Variants in CADPS2 observed in about 807,000 individuals in gnomAD.
The protein encoded by CADPS2 is calcium dependent secretion activator 2.
A neutral mutation model predicts 172.5 loss-of-function variants in CADPS2; 93 were observed. The observed-to-expected ratio is 0.54, with a 90% CI of 0.46 to 0.64. The LOEUF (loss-of-function observed/expected upper bound fraction) is 0.64. Ranked by LOEUF, CADPS2 falls within the 30% of genes least tolerant of loss-of-function variation. CADPS2 has a pLI of 0.00. For missense variants in CADPS2, 1,420 were observed against 1,565.9 expected (o/e 0.91, Z 1.57); for synonymous variants, 546 against 555.2 (o/e 0.98, Z 0.23).
At chr7:122,404,411 G>C (rs1308032793) in intron 20 of CADPS2, among the ~76,000 whole-genome samples, 1 of 152,096 alleles carries the variant, frequency 6.6e-6, no homozygotes, top group Non-Finnish European at 1.5e-5. Flanking sequence ...ATTTGGGTTG[G>C]TTCCAAGTCT....
intron 1 of CADPS2, among the ~76,000 whole-genome samples, chr7:122,813,216 GAAGT>G (rs1800482022): frequency 2.0e-5 from 3 of 152,016 alleles, no homozygotes; most frequent in South Asian, 4.1e-4. Flanking sequence ...CTCCCTGCAA[GAAGT>G]AAGTCAATAC....
At chr7:122,844,732 C>T (rs1811504082) in intron 1 of CADPS2, among the ~76,000 whole-genome samples, 2 of 152,074 alleles carry the variant, frequency 1.3e-5, no homozygotes, top group Admixed American at 1.3e-4. Context: ...AAAGTCACAT[C>T]AGATAAAGGA....
At chr7:122,879,307 G>A (rs1822221378) in intron 1 of CADPS2, among the ~76,000 whole-genome samples, 2 of 149,568 alleles carry the variant, frequency 1.3e-5, no homozygotes, top group East Asian at 4.0e-4. Context: ...GGAGGCCAAG[G>A]TGGGCAGATC....
In CADPS2 at chr7:122,320,243, C is replaced by A. The variant is rs2032112191; in HGVS notation, c.3813G>T (p.Glu1271Asp). 1 of 1,613,418 alleles carries A rather than the reference C, an allele frequency of 6.2e-7. No homozygotes were observed. The highest frequency in any genetic ancestry group is 1.7e-5 in the Admixed American group (1 of 59,948). Residue 1271 changes from glutamate to aspartate, a missense_variant, in exon 30 of 30, where the codon GAG (glutamate) becomes GAT (aspartate). Coordinates refer to ENST00000449022, the MANE Select transcript of CADPS2 (RefSeq NM_017954.11). ...DTVHRRLTVEEATASVSEGGG... is the reference protein window; with the variant it reads ...DTVHRRLTVEDATASVSEGGG... Reference sequence around the variant, plus strand: ...CTCCTTCTGAAACAGAGGCTGTGGCCTCCTCTACTGTTAAACGTCTGTGCA... The same window carrying A: ...CTCCTTCTGAAACAGAGGCTGTGGCATCCTCTACTGTTAAACGTCTGTGCA...
chr7:122,680,023 C>A (rs981238038), intron 2 of CADPS2, among the ~76,000 whole-genome samples: 1 of 152,216 alleles, frequency 6.6e-6, no homozygotes, highest in Non-Finnish European at 1.5e-5. Flanking sequence ...ACAAAGACAG[C>A]CAGCCTATGA....
intron 7 of CADPS2, among the ~76,000 whole-genome samples, chr7:122,573,417 G>A (rs1342513694): frequency 1.3e-5 from 2 of 152,062 alleles, no homozygotes. Context: ...GCATACAACA[G>A]TAGTCCCAGC....
Position 122,637,312 on chromosome 7 carries a change from G to A in CADPS2, c.787-7984C>T, listed in dbSNP as rs527359516. Among the ~76,000 whole-genome samples, 3 of 146,028 alleles carry A rather than the reference G, an allele frequency of 2.1e-5. No individual in the cohort carries two copies. In the East Asian group the frequency reaches 6.3e-4, roughly 31 times the overall value. The stretch of plus-strand genomic sequence containing the variant: ...TGACTCAAGTGATCCTCTTACCTCA[G>A]CCTCCCAAGTAGTTGGGACTACAAA... On this transcript the variant is annotated intron_variant, in intron 3 of 29. Coordinates refer to ENST00000449022, the MANE Select transcript of CADPS2 (RefSeq NM_017954.11).
At chr7:122,427,932 T>G (rs1204358682) in intron 17 of CADPS2, among the ~76,000 whole-genome samples, 1 of 152,220 alleles carries the variant, frequency 6.6e-6, no homozygotes, top group African/African-American at 2.4e-5. Flanking sequence ...TCTAGATTAC[T>G]TTCTATGACT....
chr7:122,863,290 G>A (rs1377351187), intron 1 of CADPS2, among the ~76,000 whole-genome samples: 1 of 152,118 alleles, frequency 6.6e-6, no homozygotes, highest in Non-Finnish European at 1.5e-5. Flanking sequence ...TATTTTATAA[G>A]TAAATAATTA....
chr7:122,803,599 G>A (rs1281568182), intron 1 of CADPS2, among the ~76,000 whole-genome samples: 1 of 152,126 alleles, frequency 6.6e-6, no homozygotes, highest in East Asian at 1.9e-4. Context: ...GGCAGCTCAT[G>A]CCTCTGATCA....
At chr7:122,873,449 C>A (rs946983091) in intron 1 of CADPS2, among the ~76,000 whole-genome samples, 4 of 152,088 alleles carry the variant, frequency 2.6e-5, no homozygotes, top group African/African-American at 9.7e-5. Flanking sequence ...TGTTAGTTTG[C>A]TGAGGATGAT....
At chr7:122,800,760 A>C (rs1287470784) in intron 1 of CADPS2, among the ~76,000 whole-genome samples, 1 of 152,184 alleles carries the variant, frequency 6.6e-6, no homozygotes, top group Non-Finnish European at 1.5e-5. Flanking sequence ...AGGCCAAGGC[A>C]GGCAGATCAC....
At chr7:122,770,466 G>A (rs2093675603) in intron 1 of CADPS2, among the ~76,000 whole-genome samples, 1 of 152,112 alleles carries the variant, frequency 6.6e-6, no homozygotes, top group South Asian at 2.1e-4. Context: ...CCTCCTTAGA[G>A]GGAAATTTAC....
intron 8 of CADPS2, among the ~76,000 whole-genome samples, chr7:122,525,844 A>G (rs967564054): frequency 2.6e-5 from 4 of 152,172 alleles, no homozygotes; most frequent in Non-Finnish European, 5.9e-5. Context: ...TAGGCTATAA[A>G]CCTGTACAGC....
intron 13 of CADPS2, among the ~76,000 whole-genome samples, chr7:122,472,843 T>C (rs1318200212): frequency 6.6e-6 from 1 of 152,178 alleles, no homozygotes; most frequent in Non-Finnish European, 1.5e-5. Flanking sequence ...ACTGTTAGTG[T>C]CAGCGTGGCA....
intron 7 of CADPS2, among the ~76,000 whole-genome samples, chr7:122,571,892 GTAGAT>G (rs1221129725): frequency 2.0e-5 from 3 of 152,192 alleles, no homozygotes; most frequent in South Asian, 4.2e-4. Flanking sequence ...CAGATGAGGA[GTAGAT>G]TAAAGATGTT....
At chr7:122,642,279 CA>C (rs11370822) in intron 3 of CADPS2, among the ~76,000 whole-genome samples, 233 of 124,816 alleles carry the variant, frequency 1.9e-3, no homozygotes, top group African/African-American at 2.8e-3. Flanking sequence ...GACTCCATCT[CA>C]AAAAAAAAAA....
chr7:122,662,589 T>C (rs2080719940), intron 3 of CADPS2, among the ~76,000 whole-genome samples: 1 of 152,128 alleles, frequency 6.6e-6, no homozygotes, highest in African/African-American at 2.4e-5. Flanking sequence ...TTGCCCACGA[T>C]GGTCTCAATC....
chr7:122,478,108 T>C (rs900782408), intron 12 of CADPS2, among the ~76,000 whole-genome samples: 6 of 152,202 alleles, frequency 3.9e-5, no homozygotes, highest in African/African-American at 1.2e-4. Flanking sequence ...CCATCATCTA[T>C]ATCAAATGCA....
Sources: gnomAD v4.1 joint callset for allele counts (sites outside exome capture counted in the v4.1 genomes callset) on GRCh38, gnomAD v4.1.1 for gene constraint, MANE v1.5 for transcripts, NCBI Gene and HGNC (gene_info 2026-07-23, HGNC 2026-07-21) for gene names.